Variants in PRKN observed in about 807,000 individuals in gnomAD.
PRKN encodes the protein parkin RBR E3 ubiquitin protein ligase, also known as E3 ubiquitin-protein ligase parkin.
Under a neutral mutation model 59.5 loss-of-function variants are expected in PRKN, and 56 were observed. That is an observed-to-expected ratio of 0.94 (90% CI 0.76 to 1.18). The LOEUF (loss-of-function observed/expected upper bound fraction) is 1.18. Ranked by LOEUF, PRKN falls within the 50% of genes most tolerant of loss-of-function variation. PRKN has a pLI of 0.00. For synonymous variants in PRKN, 250 were observed against 222.1 expected (o/e 1.13, Z -1.12); for missense variants, 657 against 596.4 (o/e 1.10, Z -1.06).
chr6:162,371,880 G>A (rs1785787774), intron 2 of PRKN, among the ~76,000 whole-genome samples: 1 of 152,188 alleles, frequency 6.6e-6, no homozygotes, highest in South Asian at 2.1e-4. Flanking sequence ...GTGGGATGTT[G>A]AGGCTCTTGA....
At chr6:162,454,630 T>C (rs1455661879) in intron 1 of PRKN, among the ~76,000 whole-genome samples, 2 of 152,212 alleles carry the variant, frequency 1.3e-5, no homozygotes, top group African/African-American at 4.8e-5. Flanking sequence ...CCTGAGGGTA[T>C]ATGGGACGTG....
intron 1 of PRKN, among the ~76,000 whole-genome samples, chr6:162,468,991 T>C (rs1451932254): frequency 6.6e-6 from 1 of 152,040 alleles, no homozygotes; most frequent in Non-Finnish European, 1.5e-5. Context: ...AGATATGAGG[T>C]CCTACCAATG....
In PRKN at chr6:161,379,707, C is replaced by T. The variant is rs1785884914; in HGVS notation, c.1167+7087G>A. Among the ~76,000 whole-genome samples, 1 of 152,138 alleles carries T rather than the reference C, an allele frequency of 6.6e-6. No individual in the cohort carries two copies. Among genetic ancestry groups the T allele is most frequent in the Non-Finnish European group, 1.5e-5 (1 of 68,020 alleles). ...GGCCTGACCACTCTGTGTCCATGCA[C>T]AACAACTCAGAAGGCTCATCCAGCT... On this transcript the variant is annotated intron_variant, in intron 10 of 11. Transcript: ENST00000366898. This position sits in a 1 kb window ranked among gnomAD's most constrained non-coding sequence, Gnocchi z 4.9.
chr6:161,907,040 A>C (rs1242882850), intron 6 of PRKN, among the ~76,000 whole-genome samples: 1 of 152,122 alleles, frequency 6.6e-6, no homozygotes, highest in Non-Finnish European at 1.5e-5. Flanking sequence ...GAACACCCTC[A>C]CAGACACACC....
chr6:162,158,793 G>A (rs1008730229), intron 4 of PRKN, among the ~76,000 whole-genome samples: 3 of 151,812 alleles, frequency 2.0e-5, no homozygotes, highest in East Asian at 3.9e-4. Flanking sequence ...CATCCAACAC[G>A]GTTTGTGGTC....
chr6:162,353,083 A>G lies in PRKN; in HGVS notation c.171+90227T>C, dbSNP rs139504031. On this transcript the variant is annotated intron_variant, in intron 2 of 11. Coordinates refer to ENST00000366898, the MANE Select transcript of PRKN (RefSeq NM_004562.3). ...TTTTTCACACACCAATGTCCACTGCAAATGTTTTTAGAAGTTCTCACTAAG... is the reference window on the plus strand; with the variant it reads ...TTTTTCACACACCAATGTCCACTGCGAATGTTTTTAGAAGTTCTCACTAAG... Among the ~76,000 whole-genome samples the G allele has an allele frequency of 8.2e-3, 1,245 of 152,280 alleles. 8 individuals carry two copies. The highest frequency in any genetic ancestry group is 0.014 in the Non-Finnish European group (921 of 68,020).
intron 1 of PRKN, among the ~76,000 whole-genome samples, chr6:162,447,657 T>C (rs1790386088): frequency 6.6e-6 from 1 of 152,172 alleles, no homozygotes; most frequent in Non-Finnish European, 1.5e-5. Flanking sequence ...ATATTTCTTT[T>C]AAGACAATTT....
In PRKN at chr6:161,473,233, T is replaced by C. The variant is rs750392680; in HGVS notation, c.1083+75621A>G. ...TGGCATTATTTACAATAGCAAGATATGCAAACAACCTAAGTAAGCATCAAA... is the reference window on the plus strand; with the variant it reads ...TGGCATTATTTACAATAGCAAGATACGCAAACAACCTAAGTAAGCATCAAA... On this transcript the variant is annotated intron_variant, in intron 9 of 11. Transcript: ENST00000366898. The surrounding 1 kb of genome is among the most constrained non-coding windows in gnomAD (Gnocchi z 4.1). Among the ~76,000 whole-genome samples, 3 of 151,990 alleles carry C rather than the reference T, an allele frequency of 2.0e-5. No individual in the cohort carries two copies. Among genetic ancestry groups the C allele is most frequent in the Non-Finnish European group, 4.4e-5 (3 of 68,016 alleles).
chr6:162,673,187 T>C (rs1779400770), intron 1 of PRKN, among the ~76,000 whole-genome samples: 1 of 152,220 alleles, frequency 6.6e-6, no homozygotes. Flanking sequence ...CTGTAAACAC[T>C]GAATGATAGT....
At chr6:162,372,457 T>A (rs2128137424) in intron 2 of PRKN, among the ~76,000 whole-genome samples, 1 of 152,244 alleles carries the variant, frequency 6.6e-6, no homozygotes, top group East Asian at 1.9e-4. Flanking sequence ...AAGATGGTAT[T>A]AGCATCTCCA....
chr6:162,146,878 G>C (rs1408299838), intron 4 of PRKN, among the ~76,000 whole-genome samples: 1 of 151,934 alleles, frequency 6.6e-6, no homozygotes, highest in Non-Finnish European at 1.5e-5. Flanking sequence ...TTACAGGCAT[G>C]GGCCACCACT....
chr6:162,533,134 C>G (rs983576072), intron 1 of PRKN, among the ~76,000 whole-genome samples: 17 of 152,302 alleles, frequency 1.1e-4, no homozygotes, highest in African/African-American at 4.1e-4. Flanking sequence ...TTATTGTAAG[C>G]AGCAACAACA....
At chr6:162,229,787 T>G (rs928639256) in intron 3 of PRKN, among the ~76,000 whole-genome samples, 15 of 152,356 alleles carry the variant, frequency 9.8e-5, no homozygotes, top group Middle Eastern at 3.4e-3. Flanking sequence ...AAATAGTCTG[T>G]TTTTGTACAA....
At chr6:162,213,017 C>T (rs981259013) in intron 3 of PRKN, among the ~76,000 whole-genome samples, 5 of 151,988 alleles carry the variant, frequency 3.3e-5, no homozygotes, top group African/African-American at 1.2e-4. Context: ...GACTGTATGT[C>T]TTTATGTGGT....
chr6:161,807,594 C>T (rs1273334383), intron 6 of PRKN, among the ~76,000 whole-genome samples: 3 of 152,174 alleles, frequency 2.0e-5, no homozygotes, highest in Admixed American at 6.5e-5. Flanking sequence ...TTGCCTCTTC[C>T]TGGCTTCTGG....
chr6:162,514,679 C>T (rs1359016433), intron 1 of PRKN, among the ~76,000 whole-genome samples: 1 of 152,136 alleles, frequency 6.6e-6, no homozygotes, highest in Non-Finnish European at 1.5e-5. Flanking sequence ...CCTATAATCC[C>T]AGCACTTTGG....
chr6:162,486,980 G>A (rs558125720), intron 1 of PRKN, among the ~76,000 whole-genome samples: 6 of 152,020 alleles, frequency 3.9e-5, no homozygotes, highest in Admixed American at 1.3e-4. Context: ...TGAGGCAGGA[G>A]AATCATTTGA....
At chr6:161,629,167 G>A (rs1177452300) in intron 7 of PRKN, among the ~76,000 whole-genome samples, 4 of 152,140 alleles carry the variant, frequency 2.6e-5, no homozygotes, top group African/African-American at 7.2e-5. Flanking sequence ...GCTTTGTTCA[G>A]GAAGCAGGAC....
At chr6:162,661,119 GGA>G (rs749641732) in intron 1 of PRKN, among the ~76,000 whole-genome samples, 17 of 152,098 alleles carry the variant, frequency 1.1e-4, no homozygotes, top group Non-Finnish European at 2.1e-4. Context: ...AAATTAGCCA[GGA>G]GTGGTGGCGC....
Sources: allele counts gnomAD v4.1 joint callset (sites outside exome capture counted in the v4.1 genomes callset), GRCh38; gene constraint gnomAD v4.1.1; non-coding constraint Gnocchi (gnomAD v3.1); transcripts MANE v1.5; gene names NCBI Gene and HGNC (gene_info 2026-07-23, HGNC 2026-07-21).